The following ARHGAP6 variants were observed in gnomAD, a reference collection of about 807,000 sequenced individuals.
The protein encoded by ARHGAP6 is rho GTPase-activating protein 6.
ARHGAP6 carries 16 observed loss-of-function variants against 55.7 expected under a neutral mutation model. That is an observed-to-expected ratio of 0.29 (90% CI 0.19 to 0.44). ARHGAP6 has a LOEUF of 0.44. Among genes scored for constraint, ARHGAP6 ranks in the 20% least tolerant of loss-of-function variants. ARHGAP6 has a pLI of 1.00. For synonymous variants in ARHGAP6, 382 were observed against 360.9 expected (o/e 1.06, Z -0.66); for missense variants, 698 against 808.9 (o/e 0.86, Z 1.66).
chrX:11,174,614 TTCTCTTTCTTTTC>T (rs2046162078), intron 8 of ARHGAP6, among the ~76,000 whole-genome samples: 1 of 88,708 alleles, frequency 1.1e-5, no homozygotes, highest in African/African-American at 4.1e-5. Context: ...CTTTCTTTCT[TTCTCTTTCTTTTC>T]TTTCTTTCTT....
intron 1 of ARHGAP6, among the ~76,000 whole-genome samples, chrX:11,466,827 T>A (rs768716857): frequency 1.2e-4 from 13 of 111,972 alleles, no homozygotes; most frequent in Non-Finnish European, 2.3e-4. Flanking sequence ...TTAAAGTACA[T>A]GTCTATATAT....
At chrX:11,322,424 C>T (rs756487373) in intron 1 of ARHGAP6, among the ~76,000 whole-genome samples, 13 of 110,688 alleles carry the variant, frequency 1.2e-4, no homozygotes, top group African/African-American at 2.6e-4. Context: ...AATGGCATGA[C>T]CTCAGCTCAC....
intron 1 of ARHGAP6, among the ~76,000 whole-genome samples, chrX:11,373,099 AC>A: frequency 9.7e-6 from 1 of 102,725 alleles, no homozygotes; most frequent in African/African-American, 3.7e-5. Context: ...ACACAAACAC[AC>A]ACACACACAC....
intron 10 of ARHGAP6, chrX:11,148,696 G>A: frequency 2.7e-6 from 1 of 374,400 alleles, no homozygotes; most frequent in South Asian, 2.4e-5. Context: ...GGCCTGCACT[G>A]CAGCCGGAAG....
chrX:11,348,254 C>G (rs1168989952), intron 1 of ARHGAP6, among the ~76,000 whole-genome samples: 1 of 112,377 alleles, frequency 8.9e-6, no homozygotes, highest in African/African-American at 3.2e-5. Flanking sequence ...CATGCATTTT[C>G]CCATAGAAAT....
chrX:11,451,318 G>A (rs1453324682), intron 1 of ARHGAP6, among the ~76,000 whole-genome samples: 2 of 111,455 alleles, frequency 1.8e-5, no homozygotes, highest in Non-Finnish European at 1.9e-5. Flanking sequence ...GAACTAAAAC[G>A]CAGGAGAACC....
intron 1 of ARHGAP6, among the ~76,000 whole-genome samples, chrX:11,422,612 G>A (rs1377848609): frequency 8.9e-6 from 1 of 112,455 alleles, no homozygotes; most frequent in Admixed American, 9.4e-5. Context: ...ACAGGTGACA[G>A]GGAAGTGAGG....
At chrX:11,350,365 C>T (rs960144063) in intron 1 of ARHGAP6, among the ~76,000 whole-genome samples, 1 of 111,916 alleles carries the variant, frequency 8.9e-6, no homozygotes, top group Non-Finnish European at 1.9e-5. Flanking sequence ...TAAAAATATT[C>T]GGAAAAAAAG....
At chrX:11,340,025 C>G (rs1378129035) in intron 1 of ARHGAP6, among the ~76,000 whole-genome samples, 1 of 111,893 alleles carries the variant, frequency 8.9e-6, no homozygotes. Context: ...TTCTCCATCT[C>G]CACAGCTGCT....
intron 2 of ARHGAP6, among the ~76,000 whole-genome samples, chrX:11,203,411 G>A (rs1013362572): frequency 1.8e-5 from 2 of 111,440 alleles, no homozygotes; most frequent in Non-Finnish European, 3.8e-5. Flanking sequence ...AACTCTTACT[G>A]TGATTCAGTC....
intron 12 of ARHGAP6, among the ~76,000 whole-genome samples, chrX:11,141,981 G>A (rs1042704667): frequency 2.7e-5 from 3 of 111,976 alleles, no homozygotes; most frequent in Non-Finnish European, 5.6e-5. Flanking sequence ...CTGGAAAATG[G>A]AAGTTAGAAA....
At chrX:11,174,592 T>TTTCTTTCTTTCTTTCTTTCTTTCTTTC (rs2046157974) in intron 8 of ARHGAP6, among the ~76,000 whole-genome samples, 4 of 67,437 alleles carry the variant, frequency 5.9e-5, no homozygotes, top group African/African-American at 1.5e-4. Context: ...CTTTCTTTCT[T>TTTCTTTCTTTCTTTCTTTCTTTCTTTC]TTTCTTTCTT....
chrX:11,560,545 G>A (rs1266504979), intron 1 of ARHGAP6, among the ~76,000 whole-genome samples: 21 of 111,987 alleles, frequency 1.9e-4, no homozygotes, highest in Admixed American at 9.4e-5. Flanking sequence ...AAAACCAAAC[G>A]GCTTTAATAA....
chrX:11,562,294 A>T (rs1200712349), intron 1 of ARHGAP6, among the ~76,000 whole-genome samples: 1 of 111,934 alleles, frequency 8.9e-6, no homozygotes, highest in Non-Finnish European at 1.9e-5. Flanking sequence ...CTACCATATT[A>T]ATTTGAGGAA....
intron 1 of ARHGAP6, among the ~76,000 whole-genome samples, chrX:11,572,435 G>A (rs189207284): frequency 9.1e-6 from 1 of 110,191 alleles, no homozygotes; most frequent in Admixed American, 9.7e-5. Context: ...GAGAACACAA[G>A]GTGTTTGGTT....
intron 2 of ARHGAP6, among the ~76,000 whole-genome samples, chrX:11,209,385 T>C (rs2046754748): frequency 8.9e-6 from 1 of 112,054 alleles, no homozygotes; most frequent in African/African-American, 3.2e-5. Flanking sequence ...CCTCAAATGA[T>C]CTGCCTGTCT....
chrX:11,365,445 G>T (rs1434668269), intron 1 of ARHGAP6, among the ~76,000 whole-genome samples: 1 of 112,112 alleles, frequency 8.9e-6, no homozygotes, highest in East Asian at 2.8e-4. Context: ...CTCTTGGTTT[G>T]TATTTTCACA....
intron 1 of ARHGAP6, among the ~76,000 whole-genome samples, chrX:11,505,636 C>T (rs1237651415): frequency 9.0e-6 from 1 of 111,576 alleles, no homozygotes; most frequent in African/African-American, 3.3e-5. Flanking sequence ...ATAACAAAGA[C>T]ATGGAATCAA....
At chrX:11,184,388 T>A in intron 5 of ARHGAP6, among the ~76,000 whole-genome samples, 1 of 112,513 alleles carries the variant, frequency 8.9e-6, no homozygotes, top group Middle Eastern at 4.6e-3. Context: ...GTGCCCAGCC[T>A]TAAATCTTTA....
Sources: allele counts gnomAD v4.1 joint callset (sites outside exome capture counted in the v4.1 genomes callset), GRCh38; gene constraint gnomAD v4.1.1; transcripts MANE v1.5; gene names NCBI Gene and HGNC (gene_info 2026-07-23, HGNC 2026-07-21).